The following MFAP1 variants were observed in gnomAD, a reference collection of about 807,000 sequenced individuals.
MFAP1 encodes the protein microfibrillar-associated protein 1.
MFAP1 carries 18 observed loss-of-function variants against 62.2 expected under a neutral mutation model. That is an observed-to-expected ratio of 0.29 (90% CI 0.20 to 0.43). MFAP1 has a LOEUF of 0.43. MFAP1 is among the 20% of genes least tolerant of loss of function. The pLI, the probability that MFAP1 is intolerant of heterozygous loss-of-function variation, is 1.00. For missense variants in MFAP1, 355 were observed against 559.7 expected (o/e 0.63, Z 3.69); for synonymous variants, 175 against 180.4 (o/e 0.97, Z 0.24).
intron 2 of MFAP1, 38 bp from the exon 3 acceptor site, chr15:43,815,112 TA>T: frequency 1.2e-6 from 2 of 1,611,662 alleles, no homozygotes; most frequent in Non-Finnish European, 1.7e-6. Context: ...ACCAATGTCA[TA>T]AAAATGAAGT....
intron 2 of MFAP1, 85 bp from the exon 3 acceptor site, chr15:43,815,159 TA>T: frequency 6.4e-7 from 1 of 1,553,504 alleles, no homozygotes; most frequent in Non-Finnish European, 8.7e-7. Context: ...CAGAGCACAT[TA>T]TGTTTGCCTT....
At chr15:43,809,980 A>G in intron 6 of MFAP1, 66 bp from the exon 7 acceptor site, 5 of 1,567,502 alleles carry the variant, frequency 3.2e-6, no homozygotes, top group South Asian at 2.2e-5. Context: ...TTATCTGAAA[A>G]TAACAGTCCC....
intron 7 of MFAP1, among the ~76,000 whole-genome samples, chr15:43,806,750 T>C (rs1328690912): frequency 6.6e-6 from 1 of 152,150 alleles, no homozygotes; most frequent in Non-Finnish European, 1.5e-5. Flanking sequence ...CGCGCACCTG[T>C]AATCTCAGCT....
chr15:43,822,730 A>G (rs1453183130), intron 1 of MFAP1, among the ~76,000 whole-genome samples: 1 of 152,114 alleles, frequency 6.6e-6, no homozygotes, highest in Non-Finnish European at 1.5e-5. Flanking sequence ...TAATGGCACA[A>G]TCATAGCTCA....
chr15:43,806,913 G>A (rs1396006679), intron 7 of MFAP1, among the ~76,000 whole-genome samples: 1 of 152,022 alleles, frequency 6.6e-6, no homozygotes, highest in African/African-American at 2.4e-5. Context: ...CAACTCCTCT[G>A]TGTAGTAATC....
chr15:43,822,757 T>C (rs904629208), intron 1 of MFAP1, among the ~76,000 whole-genome samples: 7 of 152,312 alleles, frequency 4.6e-5, no homozygotes, highest in Non-Finnish European at 8.8e-5. Context: ...CTTTGAACTT[T>C]CGAGCATAAG....
chr15:43,805,481 CTT>C lies in MFAP1; in HGVS notation c.1048-18_1048-17del. 1 of 1,590,624 alleles carries C rather than the reference CTT, an allele frequency of 6.3e-7. No homozygotes were observed. Among genetic ancestry groups the C allele is most frequent in the African/African-American group, 1.4e-5 (1 of 73,608 alleles). Reference sequence around the variant, plus strand: ...CATCCTCATCCTGTATAAAAAAAATCTTATCAATCTTGTGGCTTTATTTCCTA... The same window carrying C: ...CATCCTCATCCTGTATAAAAAAAATCATCAATCTTGTGGCTTTATTTCCTA... On this transcript the variant is annotated splice_polypyrimidine_tract_variant and intron_variant, in intron 7 of 8. Transcript: ENST00000267812.
chr15:43,823,134 G>A (rs2087476854), intron 1 of MFAP1, among the ~76,000 whole-genome samples: 1 of 151,210 alleles, frequency 6.6e-6, no homozygotes, highest in Non-Finnish European at 1.5e-5. Context: ...ACCGCGCCGG[G>A]CCCTAATTTT....
At chr15:43,815,124 A>G (rs777348571) in intron 2 of MFAP1, 50 bp from the exon 3 acceptor site, 2 of 1,608,808 alleles carry the variant, frequency 1.2e-6, no homozygotes, top group South Asian at 1.1e-5. Context: ...AAAATGAAGT[A>G]GCATCAACTG....
intron 4 of MFAP1, 67 bp from the exon 5 acceptor site, chr15:43,813,424 T>C (rs2087415471): frequency 9.1e-6 from 13 of 1,429,820 alleles, no homozygotes; most frequent in East Asian, 2.4e-5. Context: ...CCCCTAGACC[T>C]AGTCCCATCC....
At chr15:43,809,423 C>T (rs561670214) in intron 7 of MFAP1, among the ~76,000 whole-genome samples, 14 of 150,596 alleles carry the variant, frequency 9.3e-5, no homozygotes, top group South Asian at 6.3e-4. Flanking sequence ...AAGCGCAGGA[C>T]GTCAAGGTTG....
rs974644355 is a variant in MFAP1, at chr15:43,805,463, A to G, written c.1050T>C (p.Asp350=). The G allele has an allele frequency of 1.3e-6, 2 of 1,599,280 alleles. No homozygotes were observed. Among genetic ancestry groups the G allele is most frequent in the African/African-American group, 2.7e-5 (2 of 73,818 alleles). The change falls in exon 8 of 9, where the codon GAT becomes GAC. Residue 350 remains aspartate, a splice_region_variant and synonymous_variant. Transcript: ENST00000267812. ...KYYHRGAFFM[D]EDEEVYKRDF... is the part of the protein sequence containing the mutation. ...CTCTCTTGTATACTTCTTCATCCTC[A>G]TCCTGTATAAAAAAAATCTTATCAA...
At chr15:43,810,083 G>T in intron 6 of MFAP1, 169 bp from the exon 7 acceptor site, 1 of 738,426 alleles carries the variant, frequency 1.4e-6, no homozygotes, top group Non-Finnish European at 2.1e-6. Flanking sequence ...GGGTGAGTTA[G>T]TCTTCATTAT....
intron 1 of MFAP1, among the ~76,000 whole-genome samples, chr15:43,819,466 T>A (rs1438335838): frequency 1.3e-5 from 2 of 152,066 alleles, no homozygotes; most frequent in Admixed American, 6.6e-5. Flanking sequence ...GTCACATTTT[T>A]AAAAAATAAT....
chr15:43,808,409 C>T (rs757135313), intron 7 of MFAP1, among the ~76,000 whole-genome samples: 2 of 152,112 alleles, frequency 1.3e-5, no homozygotes, highest in Admixed American at 6.6e-5. Flanking sequence ...CCATGTTGCC[C>T]GGGCTGAACT....
chr15:43,820,295 C>T (rs186412164), intron 1 of MFAP1, among the ~76,000 whole-genome samples: 2 of 152,108 alleles, frequency 1.3e-5, no homozygotes, highest in African/African-American at 2.4e-5. Context: ...CCAGCCTAGG[C>T]GACAGGGTAA....
intron 1 of MFAP1, among the ~76,000 whole-genome samples, chr15:43,819,342 A>C (rs1356707911): frequency 6.6e-6 from 1 of 152,136 alleles, no homozygotes; most frequent in Non-Finnish European, 1.5e-5. Context: ...GGGTCTTGCT[A>C]TGTTGCCCAA....
chr15:43,813,349 C>T lies in MFAP1; in HGVS notation c.626G>A (p.Arg209Gln), dbSNP rs1194604929. The T allele has an allele frequency of 1.9e-6, 3 of 1,607,830 alleles. No individual in the cohort carries two copies. The highest frequency in any genetic ancestry group is 2.5e-6 in the Non-Finnish European group (3 of 1,178,464). ...GGCTTCACGTTCTTGAACTGTCACT[C>T]GGTCCTTCCTGCATCACAGAGATCC... is the stretch of plus-strand genomic sequence containing the variant. ...LKPVFIRKKDRVTVQEREAEA... is the reference protein window; with the variant it reads ...LKPVFIRKKDQVTVQEREAEA... The change falls in exon 5 of 9, where the codon CGA (arginine) becomes CAA (glutamine). Residue 209 changes from arginine to glutamine, a missense_variant. By Grantham distance (43) the Arg-to-Gln change is conservative (BLOSUM62 1). Transcript: ENST00000267812.
intron 7 of MFAP1, among the ~76,000 whole-genome samples, chr15:43,808,120 A>G (rs1242125143): frequency 6.6e-6 from 1 of 152,270 alleles, no homozygotes; most frequent in Non-Finnish European, 1.5e-5. Flanking sequence ...AGCCTGAGTG[A>G]TAATATTACA....
Sources: allele counts gnomAD v4.1 joint callset (sites outside exome capture counted in the v4.1 genomes callset), GRCh38; gene constraint gnomAD v4.1.1; transcripts MANE v1.5; gene names NCBI Gene and HGNC (gene_info 2026-07-23, HGNC 2026-07-21).